LDB2: variants seen among roughly 807,000 people sequenced by gnomAD.
LDB2 encodes the protein LIM domain binding 2.
In LDB2, 12 loss-of-function variants were observed where a neutral mutation model predicts 44.3. That is an observed-to-expected ratio of 0.27 (90% CI 0.17 to 0.44). The LOEUF (loss-of-function observed/expected upper bound fraction) is 0.44, where lower values mean the gene tolerates loss of function less well. Among genes scored for constraint, LDB2 ranks in the 20% least tolerant of loss-of-function variants. LDB2 has a pLI of 1.00. For missense variants in LDB2, 344 were observed against 473.5 expected (o/e 0.73, Z 2.54); for synonymous variants, 164 against 174.8 (o/e 0.94, Z 0.49).
intron 2 of LDB2, among the ~76,000 whole-genome samples, chr4:16,718,221 G>A (rs1757496811): frequency 6.6e-6 from 1 of 151,898 alleles, no homozygotes; most frequent in African/African-American, 2.4e-5. Context: ...GGGAAATAGA[G>A]ACAAATAAGA....
chr4:16,556,559 A>G (rs1739675771), intron 5 of LDB2, among the ~76,000 whole-genome samples: 1 of 152,182 alleles, frequency 6.6e-6, no homozygotes, highest in African/African-American at 2.4e-5. Flanking sequence ...AAAACCACAA[A>G]CAATAAAGAC....
chr4:16,686,675 C>A (rs911653813), intron 2 of LDB2, among the ~76,000 whole-genome samples: 2 of 152,182 alleles, frequency 1.3e-5, no homozygotes, highest in African/African-American at 4.8e-5. Flanking sequence ...CTAGCTTGTT[C>A]TTGACATGGT....
intron 2 of LDB2, among the ~76,000 whole-genome samples, chr4:16,659,528 T>A (rs1166389327): frequency 6.6e-6 from 1 of 152,064 alleles, no homozygotes; most frequent in African/African-American, 2.4e-5. Context: ...TAAATTAACT[T>A]ATTCAGCTAA....
chr4:16,558,645 T>C (rs1307045437), intron 5 of LDB2, among the ~76,000 whole-genome samples: 1 of 152,170 alleles, frequency 6.6e-6, no homozygotes, highest in Non-Finnish European at 1.5e-5. Flanking sequence ...TGCAGGATAT[T>C]ATCCAGGAGA....
At chr4:16,674,256 G>A (rs1301991544) in intron 2 of LDB2, 11 of 1,289,020 alleles carry the variant, frequency 8.5e-6, no homozygotes, top group African/African-American at 1.5e-5. Flanking sequence ...TCCATCACAG[G>A]CATCTGGTTC....
intron 5 of LDB2, among the ~76,000 whole-genome samples, chr4:16,517,290 A>G (rs1326407882): frequency 6.6e-6 from 1 of 152,120 alleles, no homozygotes; most frequent in Admixed American, 6.5e-5. Context: ...TGTTTGTAAT[A>G]AGTATGAGCC....
intron 2 of LDB2, among the ~76,000 whole-genome samples, chr4:16,669,038 C>T (rs1381783927): frequency 6.6e-6 from 1 of 152,228 alleles, no homozygotes; most frequent in African/African-American, 2.4e-5. Context: ...ACAGACTGAG[C>T]ATAAGCTTAG....
intron 2 of LDB2, among the ~76,000 whole-genome samples, chr4:16,659,534 G>A (rs1740855872): frequency 6.7e-6 from 1 of 149,532 alleles, no homozygotes; most frequent in Admixed American, 6.6e-5. Context: ...AACTTATTCA[G>A]CTAATTGTGA....
At chr4:16,625,931 A>G (rs1319479206) in intron 2 of LDB2, among the ~76,000 whole-genome samples, 1 of 152,132 alleles carries the variant, frequency 6.6e-6, no homozygotes, top group Non-Finnish European at 1.5e-5. Context: ...TTACTGGACC[A>G]TCCTGTCCAA....
chr4:16,558,075 T>A (rs1740453746), intron 5 of LDB2, among the ~76,000 whole-genome samples: 1 of 151,894 alleles, frequency 6.6e-6, no homozygotes, highest in African/African-American at 2.4e-5. Context: ...TACATCACCA[T>A]CATCAAAGAC....
At chr4:16,705,751 G>A (rs1754468019) in intron 2 of LDB2, among the ~76,000 whole-genome samples, 1 of 152,130 alleles carries the variant, frequency 6.6e-6, no homozygotes, top group Non-Finnish European at 1.5e-5. Flanking sequence ...GTTAGGGTCT[G>A]GGTCTGTTTG....
chr4:16,667,964 T>C (rs368013478), intron 2 of LDB2, among the ~76,000 whole-genome samples: 9 of 152,202 alleles, frequency 5.9e-5, no homozygotes, highest in African/African-American at 2.2e-4. Flanking sequence ...GACAAGAATA[T>C]CCTATATAAC....
At chr4:16,765,650 G>A (rs1769040210) in intron 1 of LDB2, among the ~76,000 whole-genome samples, 1 of 152,164 alleles carries the variant, frequency 6.6e-6, no homozygotes, top group South Asian at 2.1e-4. Context: ...GGACTAAACA[G>A]ATGATAAGGC....
At chr4:16,694,860 C>T (rs1459343308) in intron 2 of LDB2, among the ~76,000 whole-genome samples, 1 of 152,206 alleles carries the variant, frequency 6.6e-6, no homozygotes, top group Non-Finnish European at 1.5e-5. Flanking sequence ...GTGTAATCAA[C>T]ATCTAATGAA....
Position 16,764,742 on chromosome 4 carries a change from T to C in LDB2, c.133-5482A>G, listed in dbSNP as rs575760403. Among the ~76,000 whole-genome samples the C allele has an allele frequency of 4.6e-5, 7 of 152,288 alleles. No individual in the cohort carries two copies. The South Asian group carries it at 1.5e-3, about 32-fold the overall frequency. On this transcript the variant is annotated intron_variant, in intron 1 of 7. Coordinates refer to ENST00000304523, the MANE Select transcript of LDB2 (RefSeq NM_001290.5). Reference sequence around the variant, plus strand: ...GACCGTAAACTTAGAGCCAACATCATTGGAGAAATGATGCGGAAGTACCAC... The same window carrying C: ...GACCGTAAACTTAGAGCCAACATCACTGGAGAAATGATGCGGAAGTACCAC...
intron 2 of LDB2, among the ~76,000 whole-genome samples, chr4:16,688,142 A>C (rs1248448880): frequency 6.6e-6 from 1 of 152,202 alleles, no homozygotes; most frequent in Non-Finnish European, 1.5e-5. Context: ...AACCTGTTGG[A>C]CCTTAAAGTT....
At chr4:16,789,717 G>C (rs1775281655) in intron 1 of LDB2, among the ~76,000 whole-genome samples, 2 of 152,236 alleles carry the variant, frequency 1.3e-5, no homozygotes, top group South Asian at 4.1e-4. Flanking sequence ...ATCACTTAAG[G>C]TCAGGAGTTT....
intron 5 of LDB2, among the ~76,000 whole-genome samples, chr4:16,577,499 C>A (rs952128437): frequency 6.6e-6 from 1 of 151,944 alleles, no homozygotes; most frequent in African/African-American, 2.4e-5. Context: ...AATAAAATAC[C>A]TAGGAATTAA....
chr4:16,898,345 A>G lies in LDB2; in HGVS notation c.132+9T>C. ...TACACAAACACATCCCCAAGGTTGA[A>G]GTACTTACCTCTGTGCGAGACTGCA... On this transcript the variant is annotated intron_variant, in intron 1 of 7. Coordinates refer to ENST00000304523, the MANE Select transcript of LDB2 (RefSeq NM_001290.5). The G allele has an allele frequency of 6.2e-7, 1 of 1,609,772 alleles. No homozygotes were observed. Among genetic ancestry groups the G allele is most frequent in the South Asian group, 1.1e-5 (1 of 90,526 alleles).
Sources: gnomAD v4.1 joint callset for allele counts (sites outside exome capture counted in the v4.1 genomes callset) on GRCh38, gnomAD v4.1.1 for gene constraint, MANE v1.5 for transcripts, NCBI Gene and HGNC (gene_info 2026-07-23, HGNC 2026-07-21) for gene names.